FANCC: variants seen among roughly 807,000 people sequenced by gnomAD.
FANCC encodes FA complementation group C.
FANCC carries 55 observed loss-of-function variants against 71.3 expected under a neutral mutation model. The ratio of observed to expected loss-of-function variants is 0.77; its 90% confidence interval spans 0.62 to 0.97. The LOEUF (loss-of-function observed/expected upper bound fraction) is 0.97, where lower values mean the gene tolerates loss of function less well. Ranked by LOEUF, FANCC falls within the 50% of genes least tolerant of loss-of-function variation. The probability of loss-of-function intolerance (pLI) is 0.00; values close to 1 mark genes in which losing one functional copy is unlikely to be tolerated. For synonymous variants in FANCC, 275 were observed against 244.9 expected, an observed-to-expected ratio of 1.12 and a Z score of -1.15; for missense variants, 678 against 670.9, an observed-to-expected ratio of 1.01 and a Z score of -0.12.
chr9:95,185,551 G>C (rs1343683056), intron 4 of FANCC, among the ~76,000 whole-genome samples: 2 of 152,152 alleles, frequency 1.3e-5, no homozygotes, highest in Non-Finnish European at 2.9e-5. Flanking sequence ...AACAAATCAT[G>C]CCCAATTCCC....
intron 1 of FANCC, among the ~76,000 whole-genome samples, chr9:95,257,821 T>C (rs977730573): frequency 6.6e-6 from 1 of 152,034 alleles, no homozygotes; most frequent in Admixed American, 6.5e-5. Flanking sequence ...AAGAATCAAA[T>C]AGACACAATA....
chr9:95,161,012 G>A (rs1005822056), intron 6 of FANCC, among the ~76,000 whole-genome samples: 1 of 152,222 alleles, frequency 6.6e-6, no homozygotes, highest in South Asian at 2.1e-4. Flanking sequence ...CTGTAAAATG[G>A]GGGCTTTTGG....
chr9:95,207,897 GTTTAT>G (rs1828235084), intron 4 of FANCC, among the ~76,000 whole-genome samples: 1 of 151,988 alleles, frequency 6.6e-6, no homozygotes. Flanking sequence ...TCTTTTCGGT[GTTTAT>G]TTTAAAATTT....
At position 95,125,085 on chromosome 9, in the gene FANCC, C is replaced by T. The variant is rs370510954; in HGVS notation, c.996+1G>A. ...TGAGTAATATATGTGATATAACAAACCTGCTTGCTTGCTTTCTCCAGAGCT... is the reference window on the plus strand; with the variant it reads ...TGAGTAATATATGTGATATAACAAATCTGCTTGCTTGCTTTCTCCAGAGCT... On this transcript the variant is annotated splice_donor_variant, in intron 10 of 14. Coordinates refer to ENST00000289081, the MANE Select transcript of FANCC (RefSeq NM_000136.3). LOFTEE classifies it high-confidence loss of function. 6.2e-7 allele frequency: 1 copy of T among 1,613,634 alleles called. No individual in the cohort carries two copies. The highest frequency in any genetic ancestry group is 8.5e-7 in the Non-Finnish European group (1 of 1,179,520).
intron 9 of FANCC, 52 bp downstream of exon 9, chr9:95,126,477 G>A (rs1216898060): frequency 9.7e-6 from 15 of 1,542,060 alleles, no homozygotes; most frequent in Non-Finnish European, 1.3e-5. Context: ...TTCATGCTTG[G>A]AAATGGAACC....
At chr9:95,226,956 G>A (rs1288413225) in intron 4 of FANCC, among the ~76,000 whole-genome samples, 2 of 152,222 alleles carry the variant, frequency 1.3e-5, no homozygotes, top group Non-Finnish European at 2.9e-5. Flanking sequence ...GGGGTCTCTC[G>A]CTTCTACCCC....
At chr9:95,184,118 C>T (rs546542787) in intron 4 of FANCC, among the ~76,000 whole-genome samples, 3 of 151,728 alleles carry the variant, frequency 2.0e-5, no homozygotes, top group African/African-American at 7.3e-5. Context: ...GCTTCTCCCC[C>T]CCTTTTTTTA....
At chr9:95,238,648 C>T (rs1357210202) in intron 4 of FANCC, among the ~76,000 whole-genome samples, 4 of 152,066 alleles carry the variant, frequency 2.6e-5, no homozygotes, top group Non-Finnish European at 4.4e-5. Context: ...TCACTGCAAC[C>T]TCTGCCTCCC....
chr9:95,174,120 T>G (rs1825861734), intron 4 of FANCC, among the ~76,000 whole-genome samples: 1 of 152,082 alleles, frequency 6.6e-6, no homozygotes, highest in African/African-American at 2.4e-5. Flanking sequence ...GAGCAAAACT[T>G]TATGTCTCAG....
chr9:95,262,850 G>A (rs1011813754), intron 1 of FANCC, among the ~76,000 whole-genome samples: 1 of 152,126 alleles, frequency 6.6e-6, no homozygotes, highest in Middle Eastern at 3.2e-3. Context: ...AGTGAAATCA[G>A]ACAAAATGCG....
At chr9:95,288,172 A>T (rs1215762540) in intron 1 of FANCC, among the ~76,000 whole-genome samples, 1 of 152,228 alleles carries the variant, frequency 6.6e-6, no homozygotes, top group Non-Finnish European at 1.5e-5. Context: ...ATCTAAAAAC[A>T]TTCTTGCTTT....
At chr9:95,308,750 C>T (rs1835212750) in intron 1 of FANCC, among the ~76,000 whole-genome samples, 1 of 152,196 alleles carries the variant, frequency 6.6e-6, no homozygotes, top group Non-Finnish European at 1.5e-5. Flanking sequence ...ACAGCACACA[C>T]GTGTAGAACT....
chr9:95,101,254 T>A lies in FANCC; in HGVS notation c.*453A>T. 3.4e-6 allele frequency: 1 copy of A among 293,802 alleles called. No individual in the cohort carries two copies. Among genetic ancestry groups the A allele is most frequent in the Middle Eastern group, 1.0e-3 (1 of 982 alleles). The allele number at this position is 293,802 out of a possible 1,614,324, so 18.2% of individuals were successfully genotyped here. A position where few individuals can be genotyped will look rare whatever the true frequency, so the allele number is the denominator to read the frequency against. ...CATACAGCAAGACAGTGTGGCTTTA[T>A]CCCAGATCCCTGACTCCTAAAAAGA... On this transcript the variant is annotated 3_prime_UTR_variant, in exon 15 of 15. Transcript: ENST00000289081.
intron 1 of FANCC, among the ~76,000 whole-genome samples, chr9:95,276,062 CAGTG>C (rs1833020507): frequency 6.6e-6 from 1 of 152,150 alleles, no homozygotes; most frequent in Non-Finnish European, 1.5e-5. Context: ...TTTTTCCAGA[CAGTG>C]AGAAAAGTTC....
chr9:95,132,861 T>C (rs773407793), intron 8 of FANCC, among the ~76,000 whole-genome samples: 14 of 152,222 alleles, frequency 9.2e-5, no homozygotes, highest in Non-Finnish European at 2.1e-4. Flanking sequence ...TTTTGTTACA[T>C]TTTGGTAACT....
At chr9:95,317,310 T>TCCCACCTCCCGCCTCCCACCTC (rs1259856075) in intron 1 of FANCC, 1 of 148,696 alleles carries the variant, frequency 6.7e-6, no homozygotes, top group South Asian at 2.1e-4. Context: ...CCCGCCACCT[T>TCCCACCTCCCGCCTCCCACCTC]CCGCCTCCCG....
chr9:95,214,194 G>A (rs895430397), intron 4 of FANCC, among the ~76,000 whole-genome samples: 2 of 152,196 alleles, frequency 1.3e-5, no homozygotes, highest in Non-Finnish European at 2.9e-5. Flanking sequence ...GTGGGAGGCC[G>A]AGGCAGGAGG....
intron 1 of FANCC, among the ~76,000 whole-genome samples, chr9:95,285,062 GATAA>G (rs1314851979): frequency 9.2e-5 from 14 of 151,702 alleles, no homozygotes; most frequent in Admixed American, 1.3e-4. Flanking sequence ...AGAACATGAA[GATAA>G]ATAAAACGGT....
intron 1 of FANCC, among the ~76,000 whole-genome samples, chr9:95,273,410 C>A (rs1408691651): frequency 6.6e-6 from 1 of 152,174 alleles, no homozygotes; most frequent in Non-Finnish European, 1.5e-5. Flanking sequence ...TAGCACAAGT[C>A]AAATGGGGGA....
Sources: allele counts gnomAD v4.1 joint callset (sites outside exome capture counted in the v4.1 genomes callset), GRCh38; gene constraint gnomAD v4.1.1; transcripts MANE v1.5; gene names NCBI Gene and HGNC (gene_info 2026-07-23, HGNC 2026-07-21).